Variants in DNAH11 observed in about 807,000 individuals in gnomAD.
DNAH11 encodes the protein dynein axonemal heavy chain 11, also known as axonemal beta dynein heavy chain 11.
In DNAH11, 442 loss-of-function variants were observed where a neutral mutation model predicts 526.0. The observed-to-expected ratio is 0.84, with a 90% CI of 0.78 to 0.91. The LOEUF (loss-of-function observed/expected upper bound fraction) is 0.91. Among genes scored for constraint, DNAH11 ranks in the 40% least tolerant of loss-of-function variants. The pLI, the probability that DNAH11 is intolerant of heterozygous loss-of-function variation, is 0.00. For synonymous variants in DNAH11, 2,461 were observed against 1,935.9 expected, an observed-to-expected ratio of 1.27 and a Z score of -7.12; for missense variants, 6,989 against 5,448.7, an observed-to-expected ratio of 1.28 and a Z score of -8.90.
intron 61 of DNAH11, among the ~76,000 whole-genome samples, chr7:21,799,256 C>A (rs1218278990): frequency 2.0e-5 from 3 of 152,126 alleles, no homozygotes; most frequent in Non-Finnish European, 4.4e-5. Context: ...ATACCAGAGC[C>A]TTCGTGTGCT....
intron 80 of DNAH11, 40 bp downstream of exon 80, chr7:21,899,488 C>G: frequency 1.3e-6 from 2 of 1,485,464 alleles, no homozygotes; most frequent in South Asian, 2.4e-5. Flanking sequence ...GCACACAGGA[C>G]CACAGCCTAA....
intron 61 of DNAH11, among the ~76,000 whole-genome samples, chr7:21,796,580 G>C (rs1266708029): frequency 6.6e-6 from 1 of 152,200 alleles, no homozygotes; most frequent in African/African-American, 2.4e-5. Context: ...TGAGGAGCCA[G>C]AAGAGATTGT....
intron 2 of DNAH11, among the ~76,000 whole-genome samples, chr7:21,547,878 T>C (rs984414234): frequency 2.0e-5 from 3 of 152,210 alleles, no homozygotes; most frequent in African/African-American, 7.2e-5. Flanking sequence ...CTTTTTTCCT[T>C]ATAGGAGAGC....
At chr7:21,896,522 T>C (rs1165811971) in intron 79 of DNAH11, among the ~76,000 whole-genome samples, 1 of 152,248 alleles carries the variant, frequency 6.6e-6, no homozygotes, top group Admixed American at 6.5e-5. Flanking sequence ...TTCAACAATT[T>C]TACTATTGTA....
chr7:21,649,740 A>T (rs1318916368), intron 28 of DNAH11, among the ~76,000 whole-genome samples: 2 of 149,774 alleles, frequency 1.3e-5, no homozygotes, highest in Non-Finnish European at 3.0e-5. Context: ...ATCTGGACTC[A>T]CTGCAACCTC....
chr7:21,855,711 C>G lies in DNAH11; in HGVS notation c.11202+1256C>G, dbSNP rs895489645. Among the ~76,000 whole-genome samples the G allele has an allele frequency of 9.2e-5, 14 of 152,144 alleles. 2 individuals are homozygous for G. The highest frequency in any genetic ancestry group is 8.5e-4 in the Admixed American group (13 of 15,280). On this transcript the variant is annotated intron_variant, in intron 68 of 81. Transcript: ENST00000409508. ...TGCTCATTCATTCTGTTCATCTGTT[C>G]ATCCGTTTTTAGACAAATGTTTATT...
chr7:21,631,313 C>T (rs556318970), intron 25 of DNAH11, among the ~76,000 whole-genome samples: 1 of 152,242 alleles, frequency 6.6e-6, no homozygotes, highest in East Asian at 1.9e-4. Flanking sequence ...TATCATTCCA[C>T]CCCTGGTCCC....
chr7:21,589,292 C>T lies in DNAH11; in HGVS notation c.2058C>T (p.Ile686=). ...TTLLDQFESR[I]YNEWKSNVDE... ...TGCTTGATCAATTTGAAAGTCGTAT[C>T]TATAATGAATGGAAAAGTAATGTGG... is the stretch of plus-strand genomic sequence containing the variant. Residue 686 remains isoleucine (I), a synonymous_variant, in exon 12 of 82, where the codon ATC becomes ATT. Coordinates refer to ENST00000409508, the MANE Select transcript of DNAH11 (RefSeq NM_001277115.2). The T allele has an allele frequency of 1.2e-6, 2 of 1,610,100 alleles. No individual in the cohort carries two copies. The highest frequency in any genetic ancestry group is 1.7e-6 in the Non-Finnish European group (2 of 1,178,510).
At chr7:21,837,986 A>G (rs940878734) in intron 65 of DNAH11, among the ~76,000 whole-genome samples, 2 of 152,230 alleles carry the variant, frequency 1.3e-5, no homozygotes, top group Non-Finnish European at 2.9e-5. Context: ...ACAGTTTTTA[A>G]AAAAGTCAGT....
intron 8 of DNAH11, among the ~76,000 whole-genome samples, chr7:21,578,767 C>T (rs1010339749): frequency 2.0e-5 from 3 of 149,122 alleles, no homozygotes; most frequent in Non-Finnish European, 4.5e-5. Context: ...CTCTTGGCTT[C>T]TGTGTACCCA....
At chr7:21,857,405 A>G (rs1583779892) in intron 68 of DNAH11, among the ~76,000 whole-genome samples, 1 of 152,190 alleles carries the variant, frequency 6.6e-6, no homozygotes, top group Admixed American at 6.5e-5. Flanking sequence ...TGATTTATAG[A>G]TTCAATTCAG....
intron 61 of DNAH11, among the ~76,000 whole-genome samples, chr7:21,795,843 G>C (rs1055942284): frequency 6.6e-6 from 1 of 152,200 alleles, no homozygotes; most frequent in Admixed American, 6.5e-5. Context: ...CTGCACGTGA[G>C]GATGGGGTTG....
chr7:21,744,734 G>A lies in DNAH11; in HGVS notation c.8316+135G>A, dbSNP rs1786067556. ...ATGGCTGTGAATCCAGAATACACTTGGTCTATGCTTGGGAACATTCCACCC... is the reference window on the plus strand; with the variant it reads ...ATGGCTGTGAATCCAGAATACACTTAGTCTATGCTTGGGAACATTCCACCC... On this transcript the variant is annotated intron_variant, in intron 50 of 81. Transcript: ENST00000409508. The A allele has an allele frequency of 2.5e-5, 36 of 1,424,732 alleles. 1 individual carries two copies. The highest frequency in any genetic ancestry group is 5.3e-5 in the South Asian group (4 of 74,874). The allele number at this position is 1,424,732 out of a possible 1,614,324, so 88.3% of individuals were successfully genotyped here.
chr7:21,781,593 A>T (rs1397279963), intron 57 of DNAH11, among the ~76,000 whole-genome samples: 1 of 152,194 alleles, frequency 6.6e-6, no homozygotes, highest in Admixed American at 6.5e-5. Flanking sequence ...CATCTCTTCA[A>T]AAGTTGAGCA....
chr7:21,563,007 A>G (rs945440274), intron 5 of DNAH11, among the ~76,000 whole-genome samples: 2 of 152,140 alleles, frequency 1.3e-5, no homozygotes, highest in African/African-American at 4.8e-5. Context: ...CCCTACTTTC[A>G]TAATAAAATT....
At position 21,787,515 on chromosome 7, in the gene DNAH11, A is replaced by T. The variant is rs762245436; in HGVS notation, c.9856A>T (p.Ile3286Phe). ...AGACCCAGAGTTTAATCCAAACCTG[A>T]TTCGAACCAAATCTTTTGCAGCAGC... The part of the protein sequence containing the change: ...LKDPEFNPNL[I>F]RTKSFAAAGL... Residue 3286 changes from isoleucine (I) to phenylalanine (F), a missense_variant, in exon 60 of 82, where the codon ATT becomes TTT. By Grantham distance (21) the Ile-to-Phe change is conservative. Coordinates refer to ENST00000409508, the MANE Select transcript of DNAH11 (RefSeq NM_001277115.2). 1.2e-6 allele frequency: 2 copies of T among 1,613,726 alleles called. No homozygotes were observed. The highest frequency in any genetic ancestry group is 4.5e-5 in the East Asian group (2 of 44,864).
intron 25 of DNAH11, among the ~76,000 whole-genome samples, chr7:21,624,725 T>C (rs1229181797): frequency 6.6e-6 from 1 of 152,198 alleles, no homozygotes; most frequent in Non-Finnish European, 1.5e-5. Context: ...ACATTCTTTA[T>C]ATGCCAATTT....
chr7:21,709,122 C>G (rs1226523906), intron 40 of DNAH11, among the ~76,000 whole-genome samples: 1 of 152,208 alleles, frequency 6.6e-6, no homozygotes, highest in Non-Finnish European at 1.5e-5. Context: ...AAGACACATT[C>G]ACTCATATGT....
At chr7:21,571,677 A>G (rs1562669267) in intron 7 of DNAH11, 129 bp from the exon 8 acceptor site, 1 of 664,162 alleles carries the variant, frequency 1.5e-6, no homozygotes, top group African/African-American at 1.8e-5. Context: ...TCATGAAAAT[A>G]TTTATTTTCT....
Sources: gnomAD v4.1 joint callset for allele counts (sites outside exome capture counted in the v4.1 genomes callset) on GRCh38, gnomAD v4.1.1 for gene constraint, MANE v1.5 for transcripts, NCBI Gene and HGNC (gene_info 2026-07-23, HGNC 2026-07-21) for gene names.